RYR1: variants seen among roughly 807,000 people sequenced by gnomAD.
RYR1 encodes ryanodine receptor 1.
In RYR1, 342 loss-of-function variants were observed where a neutral mutation model predicts 583.5. The ratio of observed to expected loss-of-function variants is 0.59; its 90% CI spans 0.54 to 0.64. The LOEUF is 0.64. RYR1 is among the 30% of genes least tolerant of loss of function. RYR1 has a pLI of 0.00. For missense variants in RYR1, 6,032 were observed against 6,917.2 expected (o/e 0.87, Z 4.54); for synonymous variants, 2,791 against 2,822.5 (o/e 0.99, Z 0.35).
intron 89 of RYR1, among the ~76,000 whole-genome samples, chr19:38,550,601 C>T (rs572853483): frequency 3.3e-5 from 5 of 152,192 alleles, no homozygotes. Flanking sequence ...TCCTTGACCC[C>T]CTGGGCTCAG....
rs867082264 is a variant in RYR1, at chr19:38,528,332, G to T, written c.10851G>T (p.Lys3617Asn). The change falls in exon 74 of 106, where the codon AAG becomes AAT. Residue 3617 changes from lysine (K) to asparagine (N), a missense_variant. Lys to Asn is a moderately conservative substitution (Grantham distance 94). Transcript: ENST00000359596. ...CCGAGCACCCTTACAAGTCTAAGAAGGCCGTGTGGCACAAGCTTTTGTCCA... is the reference window on the plus strand; with the variant it reads ...CCGAGCACCCTTACAAGTCTAAGAATGCCGTGTGGCACAAGCTTTTGTCCA... ...DQTEHPYKSK[K>N]AVWHKLLSKQ... 2 of 1,614,078 alleles carry T rather than the reference G, an allele frequency of 1.2e-6. No individual in the cohort carries two copies. Among genetic ancestry groups the T allele is most frequent in the African/African-American group, 1.3e-5 (1 of 74,920 alleles).
intron 28 of RYR1, among the ~76,000 whole-genome samples, chr19:38,474,570 T>TA (rs1968615050): frequency 8.0e-6 from 1 of 125,522 alleles, no homozygotes. Flanking sequence ...GCTCCTTTTT[T>TA]TTTTTTTTTT....
chr19:38,486,334 C>A, intron 34 of RYR1, 132 bp downstream of exon 34: 1 of 1,136,154 alleles, frequency 8.8e-7, no homozygotes, highest in South Asian at 1.3e-5. Context: ...TACATCCATC[C>A]ACCTTTCTTT....
chr19:38,477,724 G>A lies in RYR1; in HGVS notation c.4308G>A (p.Val1436=), dbSNP rs1968805357. The A allele has an allele frequency of 1.2e-6, 2 of 1,614,136 alleles. No homozygotes were observed. Among genetic ancestry groups the A allele is most frequent in the South Asian group, 1.1e-5 (1 of 91,078 alleles). ...ILNTTTYYYS[V]RVFAGQEPSC... is the part of the protein sequence containing the mutation. ...TGTGTCACCAGTACTATTACTCCGT[G>A]AGGGTCTTTGCTGGACAGGAGCCCA... Residue 1436 remains valine, a synonymous_variant, in exon 30 of 106, where the codon GTG becomes GTA. Coordinates refer to ENST00000359596, the MANE Select transcript of RYR1 (RefSeq NM_000540.3).
chr19:38,506,733 A>G (rs1197041727), intron 56 of RYR1, 96 bp from the exon 57 acceptor site: 1 of 1,580,046 alleles, frequency 6.3e-7, no homozygotes, highest in Non-Finnish European at 8.6e-7. Context: ...CTTCTTTATC[A>G]CCATAATTAC....
In RYR1 at chr19:38,525,470, C is replaced by G; in HGVS notation, c.10594C>G (p.Leu3532Val). ...LNMCAPTDQD[L>V]ITLAKTRYAL... ...TATGTGTGCGCCCACCGACCAAGAC[C>G]TCATCACGCTGGCCAAGACCCGTTA... The change falls in exon 71 of 106, where the codon CTC becomes GTC. Residue 3532 changes from leucine to valine, a missense_variant. Physicochemically the swap from Leu to Val is conservative, Grantham distance 32 (BLOSUM62 1). Around this residue, in one of 11 missense-constraint regions of RYR1, gnomAD observed 1,493 missense variants for 1,715.5 expected, o/e 0.87. Transcript: ENST00000359596. 1 of 1,614,008 alleles carries G rather than the reference C, an allele frequency of 6.2e-7. No homozygotes were observed. Among genetic ancestry groups the G allele is most frequent in the Non-Finnish European group, 8.5e-7 (1 of 1,179,964 alleles).
chr19:38,439,567 C>T (rs937793113), intron 1 of RYR1, among the ~76,000 whole-genome samples: 3 of 152,142 alleles, frequency 2.0e-5, no homozygotes, highest in African/African-American at 7.2e-5. Context: ...AGTGCAATGG[C>T]TCGATCTCAG....
chr19:38,517,824 A>C, intron 66 of RYR1, 133 bp downstream of exon 66: 2 of 838,194 alleles, frequency 2.4e-6, no homozygotes, highest in Non-Finnish European at 3.8e-6. Context: ...TCAGCATCAA[A>C]AGACCAGGGG....
In RYR1 at chr19:38,512,206, T is replaced by G. The variant is rs2145662268; in HGVS notation, c.9234-39T>G. The G allele has an allele frequency of 6.2e-7, 1 of 1,614,010 alleles. No homozygotes were observed. Among genetic ancestry groups the G allele is most frequent in the Non-Finnish European group, 8.5e-7 (1 of 1,179,862 alleles). ...CCCCAACCCCTGGTCTCCTAGACTC[T>G]CCGATTCCAGAGCTGATGTTCCCCC... On this transcript the variant is annotated intron_variant, in intron 62 of 105. Coordinates refer to ENST00000359596, the MANE Select transcript of RYR1 (RefSeq NM_000540.3). The surrounding 1 kb of genome is among the most constrained non-coding windows in gnomAD (Gnocchi z 5.1).
At chr19:38,564,172 A>G (rs1973279464) in intron 90 of RYR1, among the ~76,000 whole-genome samples, 1 of 152,178 alleles carries the variant, frequency 6.6e-6, no homozygotes, top group African/African-American at 2.4e-5. Flanking sequence ...CGAGGCCAGG[A>G]GTTCGACACC....
At position 38,543,265 on chromosome 19, in the gene RYR1, T is replaced by C. The variant is rs1004597837; in HGVS notation, c.11690-82T>C. 2 of 1,168,726 alleles carry C rather than the reference T, an allele frequency of 1.7e-6. No individual in the cohort carries two copies. Among genetic ancestry groups the C allele is most frequent in the African/African-American group, 1.5e-5 (1 of 66,312 alleles). The allele number at this position is 1,168,726 out of a possible 1,614,324, so 72.4% of individuals were successfully genotyped here. ...ACAATAGGAACTCAACACATGAGTA[T>C]TGCATAAATGAATAAATGACCCACT... On this transcript the variant is annotated intron_variant, in intron 84 of 105. Coordinates refer to ENST00000359596, the MANE Select transcript of RYR1 (RefSeq NM_000540.3). The surrounding 1 kb of genome is among the most constrained non-coding windows in gnomAD (Gnocchi z 4.4).
In RYR1 at chr19:38,464,712, C is replaced by A; in HGVS notation, c.2860C>A (p.Leu954Ile). 6.3e-7 allele frequency: 1 copy of A among 1,584,066 alleles called. No individual in the cohort carries two copies. Among genetic ancestry groups the A allele is most frequent in the East Asian group, 2.3e-5 (1 of 43,614 alleles). ...GGAGGACAACCTGAAGAAGACAAAA[C>A]TCCCCAAGACGTGAGTGTGGGCAGC... ...KAEDNLKKTK[L>I]PKTYMMSNGY... The change falls in exon 23 of 106, where the codon CTC (leucine) becomes ATC (isoleucine). Residue 954 changes from leucine (L) to isoleucine (I), a missense_variant. Transcript: ENST00000359596.
rs1967604004 is a variant in RYR1 at position 38,459,329 on chromosome 19, C to T, written c.2351C>T (p.Ala784Val). 6.2e-7 allele frequency: 1 copy of T among 1,614,108 alleles called. No homozygotes were observed. The highest frequency in any genetic ancestry group is 8.5e-7 in the Non-Finnish European group (1 of 1,180,016). The change falls in exon 19 of 106, where the codon GCT becomes GTT. Residue 784 changes from alanine (A) to valine (V), a missense_variant. Physicochemically the swap from Ala to Val is moderately conservative, Grantham distance 64. Around this residue, in one of 11 missense-constraint regions of RYR1, gnomAD observed 2,627 missense variants for 2,961.3 expected, o/e 0.89. Transcript: ENST00000359596. ...GLFFPVVSFSAGVKVRFLLGG... is the reference protein window; with the variant it reads ...GLFFPVVSFSVGVKVRFLLGG... ...TTCTTCCCTGTTGTCAGCTTCTCGG[C>T]TGGTGTCAAGTGAGAACTTGCCCCC...
At chr19:38,584,097 A>G (rs1599671597) in intron 101 of RYR1, among the ~76,000 whole-genome samples, 1 of 151,996 alleles carries the variant, frequency 6.6e-6, no homozygotes, top group South Asian at 2.1e-4. Flanking sequence ...CTCCTCTTCC[A>G]GGAAGCCTCA....
intron 90 of RYR1, among the ~76,000 whole-genome samples, chr19:38,563,737 A>G (rs1715541890): frequency 6.6e-6 from 1 of 152,260 alleles, no homozygotes; most frequent in African/African-American, 2.4e-5. Flanking sequence ...CAGTGGCAGA[A>G]TCAGGATTTG....
Position 38,485,625 on chromosome 19 carries a change from A to G in RYR1, c.4970A>G (p.Asp1657Gly). The change falls in exon 34 of 106, where the codon GAC becomes GGC. Residue 1657 changes from aspartate (D) to glycine (G), a missense_variant. Around this residue, in one of 11 missense-constraint regions of RYR1, gnomAD observed 2,627 missense variants for 2,961.3 expected, o/e 0.89. Coordinates refer to ENST00000359596, the MANE Select transcript of RYR1 (RefSeq NM_000540.3). ...ATCCTGGAGCTGTCGGAGCGCCTGGACCTGCAGCGCTTCCACTCGCACACC... is the reference window on the plus strand; with the variant it reads ...ATCCTGGAGCTGTCGGAGCGCCTGGGCCTGCAGCGCTTCCACTCGCACACC... ...MDILELSERL[D>G]LQRFHSHTLR... is the part of the protein sequence containing the mutation. 6.2e-7 allele frequency: 1 copy of G among 1,609,940 alleles called. No homozygotes were observed. The highest frequency in any genetic ancestry group is 8.5e-7 in the Non-Finnish European group (1 of 1,179,948).
At chr19:38,506,406 A>T in intron 55 of RYR1, 29 bp downstream of exon 55, 1 of 1,613,664 alleles carries the variant, frequency 6.2e-7, no homozygotes, top group Non-Finnish European at 8.5e-7. Context: ...TTGGGGGGAC[A>T]TAGGGTGTCT....
intron 16 of RYR1, among the ~76,000 whole-genome samples, chr19:38,456,518 G>A (rs999614889): frequency 1.3e-5 from 2 of 151,596 alleles, no homozygotes; most frequent in African/African-American, 4.8e-5. Context: ...CTGACCTCAG[G>A]TGATCCACCC....
chr19:38,465,088 T>C (rs529740139), intron 23 of RYR1, among the ~76,000 whole-genome samples: 2 of 152,154 alleles, frequency 1.3e-5, no homozygotes, highest in South Asian at 4.1e-4. Context: ...CCTGAAATTA[T>C]AGGTGAGCAG....
Sources: gnomAD v4.1 joint callset for allele counts (sites outside exome capture counted in the v4.1 genomes callset) on GRCh38, gnomAD v4.1.1 for gene constraint, gnomAD v4.1.1 regional missense constraint, Gnocchi (gnomAD v3.1) non-coding constraint, MANE v1.5 for transcripts, NCBI Gene and HGNC (gene_info 2026-07-23, HGNC 2026-07-21) for gene names.